ZNF33A: variants seen among roughly 807,000 people sequenced by gnomAD.
The protein encoded by ZNF33A is brain my041 protein.
Under a neutral mutation model 15.9 loss-of-function variants are expected in ZNF33A, and 9 were observed. That is an observed-to-expected ratio of 0.57 (90% CI 0.34 to 0.99). The LOEUF (loss-of-function observed/expected upper bound fraction) is 0.99. ZNF33A is among the 50% of genes least tolerant of loss of function. The pLI, the probability that ZNF33A is intolerant of heterozygous loss-of-function variation, is 0.02. For missense variants in ZNF33A, 843 were observed against 941.6 expected (o/e 0.90, Z 1.37); for synonymous variants, 294 against 324.2 (o/e 0.91, Z 1.00).
At chr10:38,013,647 CG>C (rs1420779165) in intron 2 of ZNF33A, among the ~76,000 whole-genome samples, 1 of 151,970 alleles carries the variant, frequency 6.6e-6, no homozygotes, top group African/African-American at 2.4e-5. Context: ...TTAGTAGAGA[CG>C]GGGTTTCACC....
At position 38,056,561 on chromosome 10, in the gene ZNF33A, C is replaced by A. The variant is rs759241552; in HGVS notation, c.*1C>A. 2.6e-6 allele frequency: 4 copies of A among 1,556,258 alleles called. No homozygotes were observed. Among genetic ancestry groups the A allele is most frequent in the Non-Finnish European group, 3.5e-6 (4 of 1,154,834 alleles). ...TGATGACATCCTGAATGTTCAGTAACTATCCACAAACTCACCTTATGTTAC... is the reference window on the plus strand; with the variant it reads ...TGATGACATCCTGAATGTTCAGTAAATATCCACAAACTCACCTTATGTTAC... On this transcript the variant is annotated 3_prime_UTR_variant, in exon 5 of 5. Coordinates refer to ENST00000432900, the MANE Select transcript of ZNF33A (RefSeq NM_006954.2).
Position 38,055,613 on chromosome 10 carries a change from T to TA in ZNF33A, c.1490dup (p.Tyr497Ter). ...HQRIHIGDKS[Y>*]ECNACGKTFY... ...GAGAATTCACATAGGAGATAAATCT[T>TA]ATGAATGTAATGCATGTGGGAAAAC... Residue 497 changes from tyrosine (Y) to a stop codon, truncating the protein, a stop_gained and frameshift_variant, in exon 5 of 5, where the codon TAT (tyrosine) becomes TAAT (stop). Transcript: ENST00000432900. LOFTEE classifies it low-confidence loss of function (END_TRUNC). 1 of 1,614,108 alleles carries TA rather than the reference T, an allele frequency of 6.2e-7. No individual in the cohort carries two copies. Among genetic ancestry groups the TA allele is most frequent in the East Asian group, 2.2e-5 (1 of 44,864 alleles).
downstream of ZNF33A, among the ~76,000 whole-genome samples, chr10:38,065,854 G>A (rs1282547019): frequency 1.3e-5 from 2 of 152,042 alleles, no homozygotes; most frequent in Non-Finnish European, 2.9e-5. Flanking sequence ...GGGATTACAG[G>A]CACATGCCAC....
intron 1 of ZNF33A, 61 bp downstream of exon 1, chr10:38,010,844 C>T (rs1308439736): frequency 6.3e-7 from 1 of 1,584,186 alleles, no homozygotes; most frequent in Non-Finnish European, 8.6e-7. Context: ...CTGGGGCGGG[C>T]GGCAGGGGGC....
chr10:38,062,348 G>A (rs775176238), downstream of ZNF33A, among the ~76,000 whole-genome samples: 104 of 152,190 alleles, frequency 6.8e-4, 4 homozygotes, highest in Middle Eastern at 3.2e-3. Flanking sequence ...ACAAATGGAC[G>A]AAGACAAAAT....
At position 38,054,674 on chromosome 10, in the gene ZNF33A, G is replaced by A. The variant is rs779138674; in HGVS notation, c.550G>A (p.Glu184Lys). The change falls in exon 5 of 5, where the codon GAA becomes AAA. Residue 184 changes from glutamate (E) to lysine (K), a missense_variant. Physicochemically the swap from Glu to Lys is moderately conservative, Grantham distance 56. Coordinates refer to ENST00000432900, the MANE Select transcript of ZNF33A (RefSeq NM_006954.2). ...ATTGTTACTCAATATTAAGCATGAT[G>A]AAACTCATACTCAAGAGAAAAATGA... ...GKLLLNIKHD[E>K]THTQEKNEVL... is the part of the protein sequence containing the mutation. The A allele has an allele frequency of 1.9e-6, 3 of 1,613,730 alleles. No individual in the cohort carries two copies. Among genetic ancestry groups the A allele is most frequent in the Admixed American group, 1.7e-5 (1 of 59,980 alleles).
At chr10:38,052,424 C>A (rs1185552825) in intron 4 of ZNF33A, among the ~76,000 whole-genome samples, 1 of 152,014 alleles carries the variant, frequency 6.6e-6, no homozygotes, top group African/African-American at 2.4e-5. Flanking sequence ...AAAGACCACA[C>A]TAGAAACAAT....
chr10:38,057,958 A>G lies in ZNF33A; in HGVS notation c.*1398A>G. 2.0e-6 allele frequency: 2 copies of G among 985,432 alleles called. No individual in the cohort carries two copies. The highest frequency in any genetic ancestry group is 2.4e-6 in the Non-Finnish European group (2 of 829,958). 61.0% of individuals were successfully genotyped at this position (985,432 alleles called of 1,614,324 possible). ...GGAGGGTTGAGGCTGGAGCAGAACC[A>G]GAATCAAGCTGGTGTGGGGCTTTTA... On this transcript the variant is annotated 3_prime_UTR_variant, in exon 5 of 5. Transcript: ENST00000432900.
chr10:38,063,051 C>G (rs1044107105), downstream of ZNF33A, among the ~76,000 whole-genome samples: 3 of 147,838 alleles, frequency 2.0e-5, no homozygotes, highest in African/African-American at 7.5e-5. Flanking sequence ...GTATCCTGTG[C>G]CGGTCATCTG....
chr10:38,057,358 T>C lies in ZNF33A; in HGVS notation c.*798T>C, dbSNP rs1590723497. 21 of 985,386 alleles carry C rather than the reference T, an allele frequency of 2.1e-5. No homozygotes were observed. Among genetic ancestry groups the C allele is most frequent in the Middle Eastern group, 5.2e-4 (1 of 1,914 alleles). 61.0% of individuals were successfully genotyped at this position (985,386 alleles called of 1,614,324 possible). ...GAAGTTTTTTTAAAGCACAGATAAA[T>C]TGAATAATCAGGGCAATAGCATTAA... On this transcript the variant is annotated 3_prime_UTR_variant, in exon 5 of 5. Transcript: ENST00000432900.
Position 38,055,535 on chromosome 10 carries a change from T to C in ZNF33A, c.1411T>C (p.Cys471Arg). 3.1e-6 allele frequency: 5 copies of C among 1,614,118 alleles called. No individual in the cohort carries two copies. Among genetic ancestry groups the C allele is most frequent in the Admixed American group, 1.7e-5 (1 of 60,010 alleles). The change falls in exon 5 of 5, where the codon TGT (cysteine) becomes CGT (arginine). Residue 471 changes from cysteine (C) to arginine (R), a missense_variant. By Grantham distance (180) the Cys-to-Arg change is radical (BLOSUM62 -3). Transcript: ENST00000432900. The part of the protein sequence containing the change: ...RTHTGEKPFE[C>R]LECGKSFSEK... ...TCACACAGGTGAGAAACCTTTTGAA[T>C]GTCTTGAGTGTGGGAAATCCTTTAG...
intron 4 of ZNF33A, among the ~76,000 whole-genome samples, chr10:38,051,993 T>C (rs192294756): frequency 3.3e-4 from 50 of 152,242 alleles, no homozygotes; most frequent in African/African-American, 1.2e-3. Context: ...CTGATAAAAG[T>C]CATCTATAGA....
At chr10:38,032,271 CA>C (rs2065246337) in intron 4 of ZNF33A, among the ~76,000 whole-genome samples, 5 of 152,082 alleles carry the variant, frequency 3.3e-5, no homozygotes, top group Non-Finnish European at 7.3e-5. Flanking sequence ...GCTGTAAGAA[CA>C]ATACATAATA....
chr10:38,063,921 C>T (rs994177749), downstream of ZNF33A, among the ~76,000 whole-genome samples: 36 of 152,304 alleles, frequency 2.4e-4, no homozygotes, highest in African/African-American at 8.4e-4. Context: ...AATGCTTTGG[C>T]TCCTTAGGAT....
chr10:38,025,751 A>G (rs2064957986), intron 4 of ZNF33A, among the ~76,000 whole-genome samples: 1 of 152,252 alleles, frequency 6.6e-6, no homozygotes, highest in African/African-American at 2.4e-5. Context: ...TCAGCAAATG[A>G]TGCTGGAGCA....
chr10:38,024,617 C>G (rs963814623), intron 4 of ZNF33A, among the ~76,000 whole-genome samples: 4 of 152,130 alleles, frequency 2.6e-5, no homozygotes, highest in Admixed American at 1.3e-4. Flanking sequence ...GAAAATTTTT[C>G]TCAAAAGTTT....
At chr10:38,054,029 T>C (rs1310717909) in intron 4 of ZNF33A, among the ~76,000 whole-genome samples, 1 of 152,214 alleles carries the variant, frequency 6.6e-6, no homozygotes, top group Non-Finnish European at 1.5e-5. Context: ...ATAGTGTTAT[T>C]TGCTCCACTT....
chr10:38,024,504 G>T (rs1320055909), intron 4 of ZNF33A, among the ~76,000 whole-genome samples: 1 of 152,168 alleles, frequency 6.6e-6, no homozygotes, highest in Non-Finnish European at 1.5e-5. Flanking sequence ...TAGGTTTAAT[G>T]GCATTCCTGT....
chr10:38,056,693 C>A lies in ZNF33A; in HGVS notation c.*133C>A. On this transcript the variant is annotated 3_prime_UTR_variant, in exon 5 of 5. Transcript: ENST00000432900. ...TATCAGATGGTTAATACGGGCATAA[C>A]ACCTTACAGATTTTTTTTGAATTTG... 2.3e-6 allele frequency: 3 copies of A among 1,280,488 alleles called. No individual in the cohort carries two copies. 79.3% of individuals were successfully genotyped at this position (1,280,488 alleles called of 1,614,324 possible). A position where few individuals can be genotyped will look rare whatever the true frequency, so the allele number is the denominator to read the frequency against.
Sources: gnomAD v4.1 joint callset for allele counts (sites outside exome capture counted in the v4.1 genomes callset) on GRCh38, gnomAD v4.1.1 for gene constraint, MANE v1.5 for transcripts, NCBI Gene and HGNC (gene_info 2026-07-23, HGNC 2026-07-21) for gene names.